The following CREB5 variants were observed in gnomAD, a reference collection of about 807,000 sequenced individuals.
CREB5 encodes the protein cyclic AMP-responsive element-binding protein 5.
Under a neutral mutation model 57.1 loss-of-function variants are expected in CREB5, and 19 were observed. The observed-to-expected ratio is 0.33, with a 90% CI of 0.23 to 0.49. The LOEUF (loss-of-function observed/expected upper bound fraction) is 0.49, where lower values mean the gene tolerates loss of function less well. Ranked by LOEUF, CREB5 falls within the 20% of genes least tolerant of loss-of-function variation. CREB5 has a pLI of 0.99. For missense variants in CREB5, 579 were observed against 671.6 expected, an observed-to-expected ratio of 0.86 and a Z score of 1.52; for synonymous variants, 238 against 238.3, an observed-to-expected ratio of 1.00 and a Z score of 0.01.
chr7:28,435,760 G>A (rs1345441681), intron 1 of CREB5: 6 of 736,926 alleles, frequency 8.1e-6, no homozygotes, highest in Non-Finnish European at 8.3e-6. Flanking sequence ...ACATTTGGCT[G>A]GAAGAAGATG....
chr7:28,349,398 A>C (rs1320207709), intron 1 of CREB5, among the ~76,000 whole-genome samples: 5 of 151,960 alleles, frequency 3.3e-5, no homozygotes, highest in African/African-American at 1.2e-4. Flanking sequence ...TGAAATCCAG[A>C]GTTAAAATTC....
intron 4 of CREB5, among the ~76,000 whole-genome samples, chr7:28,560,881 T>TGCGTGTGTGC (rs1554344375): frequency 4.3e-5 from 2 of 46,242 alleles, no homozygotes; most frequent in African/African-American, 2.1e-4. Context: ...TGCGCGTGCG[T>TGCGTGTGTGC]GCGTGCGTGT....
chr7:28,330,691 G>A (rs1785700033), intron 1 of CREB5, among the ~76,000 whole-genome samples: 1 of 151,658 alleles, frequency 6.6e-6, no homozygotes. Context: ...GAAAGCAGCA[G>A]CACAAATTTT....
intron 8 of CREB5, 120 bp downstream of exon 8, chr7:28,804,642 C>A: frequency 1.6e-6 from 2 of 1,251,626 alleles, no homozygotes; most frequent in Non-Finnish European, 1.1e-6. Flanking sequence ...ATCTCACATT[C>A]TAGGGGCTCT....
In CREB5 at chr7:28,818,984, A is replaced by C. The variant is rs975426615; in HGVS notation, c.1364-132A>C. ...TAAAGTTTTGAAATTAACTTTCAGA[A>C]GAAAATGTGTGAAACTTCTATTTCA... On this transcript the variant is annotated intron_variant, in intron 10 of 10. Coordinates refer to ENST00000357727, the MANE Select transcript of CREB5 (RefSeq NM_182898.4). The C allele has an allele frequency of 8.4e-5, 92 of 1,089,498 alleles. 1 individual carries two copies. The South Asian group carries it at 1.4e-3, about 17-fold the overall frequency. The allele number at this position is 1,089,498 out of a possible 1,614,324, so 67.5% of individuals were successfully genotyped here.
At chr7:28,362,930 A>G (rs1282753989) in intron 1 of CREB5, among the ~76,000 whole-genome samples, 3 of 152,168 alleles carry the variant, frequency 2.0e-5, no homozygotes, top group Admixed American at 2.0e-4. Context: ...AAATGAGACC[A>G]TGTGTGCACA....
intron 4 of CREB5, among the ~76,000 whole-genome samples, chr7:28,520,854 G>A (rs985246696): frequency 1.3e-5 from 2 of 151,756 alleles, no homozygotes; most frequent in South Asian, 4.1e-4. Flanking sequence ...TATGAAGATA[G>A]ACAGGCTGGT....
At position 28,532,498 on chromosome 7, in the gene CREB5, C is replaced by T. The variant is rs989280247; in HGVS notation, c.291+24761C>T. Among the ~76,000 whole-genome samples the T allele has an allele frequency of 2.0e-5, 3 of 152,216 alleles. No individual in the cohort carries two copies. The East Asian group carries it at 5.8e-4, about 29-fold the overall frequency. ...GCACCCCAACCCTGGAAAAGCAAAT[C>T]TGCCTCTACTTTGTGAACAGTGTCA... On this transcript the variant is annotated intron_variant, in intron 4 of 10. Coordinates refer to ENST00000357727, the MANE Select transcript of CREB5 (RefSeq NM_182898.4).
chr7:28,387,352 G>A (rs1787128352), intron 1 of CREB5, among the ~76,000 whole-genome samples: 1 of 151,876 alleles, frequency 6.6e-6, no homozygotes, highest in Non-Finnish European at 1.5e-5. Context: ...TTTTTCATGT[G>A]TTTGTTGGTT....
intron 5 of CREB5, among the ~76,000 whole-genome samples, chr7:28,607,796 TTACC>T (rs1797206066): frequency 7.0e-6 from 1 of 141,940 alleles, no homozygotes; most frequent in Non-Finnish European, 1.5e-5. Context: ...TGTGTGTGTT[TTACC>T]ATGTGCATAC....
rs1054832370 is a variant in CREB5 at position 28,809,252 on chromosome 7, G to T, written c.1092G>T (p.Gly364=). ...TACAGCCACCCCAGCCCACAGGGGG[G>T]CGCCGGCGAAGGGTGGTAGACGAGG... The part of the protein sequence containing the change: ...QTIQPPQPTG[G]RRRRVVDEDP... Residue 364 remains glycine, a synonymous_variant, in exon 9 of 11, where the codon GGG becomes GGT. Transcript: ENST00000357727. The T allele has an allele frequency of 6.2e-7, 1 of 1,614,050 alleles. No individual in the cohort carries two copies. Among genetic ancestry groups the T allele is most frequent in the Non-Finnish European group, 8.5e-7 (1 of 1,180,026 alleles).
At chr7:28,628,614 G>T (rs1400947585) in intron 5 of CREB5, among the ~76,000 whole-genome samples, 1 of 152,178 alleles carries the variant, frequency 6.6e-6, no homozygotes, top group Admixed American at 6.5e-5. Flanking sequence ...GTGAGGGTGG[G>T]TGGCTGTCAT....
At chr7:28,734,206 CAAAAAAAA>C (rs61403862) in intron 7 of CREB5, among the ~76,000 whole-genome samples, 21,211 of 97,290 alleles carry the variant, frequency 0.22, 1,776 homozygotes, top group Middle Eastern at 0.31. Flanking sequence ...TTCAGTAGTT[CAAAAAAAA>C]AAAAAAAAAA....
At chr7:28,647,234 C>T (rs1798923953) in intron 5 of CREB5, among the ~76,000 whole-genome samples, 1 of 151,428 alleles carries the variant, frequency 6.6e-6, no homozygotes, top group Non-Finnish European at 1.5e-5. Context: ...CACTGCTGAA[C>T]AGCATCGCAA....
chr7:28,632,035 C>G (rs1298817079), intron 5 of CREB5, among the ~76,000 whole-genome samples: 1 of 152,162 alleles, frequency 6.6e-6, no homozygotes, highest in Non-Finnish European at 1.5e-5. Context: ...AGGCTAAACC[C>G]ATGTCAGAAA....
chr7:28,453,872 T>A (rs1789959283), intron 1 of CREB5, among the ~76,000 whole-genome samples: 1 of 152,098 alleles, frequency 6.6e-6, no homozygotes. Context: ...ACTTTGTTGG[T>A]GTGTGAGACA....
At chr7:28,527,995 C>T (rs1052310694) in intron 4 of CREB5, among the ~76,000 whole-genome samples, 5 of 152,208 alleles carry the variant, frequency 3.3e-5, no homozygotes, top group African/African-American at 9.6e-5. Context: ...CCATGTTTAT[C>T]TACCTTGCAA....
At chr7:28,539,138 A>G (rs765270587) in intron 4 of CREB5, among the ~76,000 whole-genome samples, 8 of 152,214 alleles carry the variant, frequency 5.3e-5, no homozygotes, top group Non-Finnish European at 1.0e-4. Flanking sequence ...TTTTGTGTAC[A>G]CTGGAGATAA....
At chr7:28,622,772 G>C (rs10278699) in intron 5 of CREB5, among the ~76,000 whole-genome samples, 2 of 152,008 alleles carry the variant, frequency 1.3e-5, no homozygotes, top group Non-Finnish European at 2.9e-5. Flanking sequence ...TGTAATCCTA[G>C]AACTTTGGGA....
Sources: gnomAD v4.1 joint callset for allele counts (sites outside exome capture counted in the v4.1 genomes callset) on GRCh38, gnomAD v4.1.1 for gene constraint, MANE v1.5 for transcripts, NCBI Gene and HGNC (gene_info 2026-07-23, HGNC 2026-07-21) for gene names.